PANK3: variants seen among roughly 807,000 people sequenced by gnomAD.
PANK3 encodes the protein hPanK3.
Under a neutral mutation model 39.4 loss-of-function variants are expected in PANK3, and 20 were observed. The ratio of observed to expected loss-of-function variants is 0.51; its 90% CI spans 0.36 to 0.74. The LOEUF (loss-of-function observed/expected upper bound fraction) is 0.74, where lower values mean the gene tolerates loss of function less well. Ranked by LOEUF, PANK3 falls within the 30% of genes least tolerant of loss-of-function variation. PANK3 has a pLI of 0.00. For missense variants in PANK3, 265 were observed against 437.0 expected, an observed-to-expected ratio of 0.61 and a Z score of 3.51; for synonymous variants, 140 against 157.3, an observed-to-expected ratio of 0.89 and a Z score of 0.82.
chr5:168,557,787 T>C (rs1014566474), intron 6 of PANK3, among the ~76,000 whole-genome samples, 166 bp from the exon 7 acceptor site: 3 of 152,244 alleles, frequency 2.0e-5, no homozygotes, highest in African/African-American at 7.2e-5. Context: ...TGAATCTGTA[T>C]TCTTGATGTC....
At chr5:168,563,612 G>A (rs1261342699) in intron 4 of PANK3, among the ~76,000 whole-genome samples, 1 of 151,524 alleles carries the variant, frequency 6.6e-6, no homozygotes, top group African/African-American at 2.4e-5. Flanking sequence ...ATTACCTTTT[G>A]TATATGGGGA....
Position 168,557,621 on chromosome 5 carries a change from C to A in PANK3, c.1063G>T (p.Gly355Cys). 1 of 1,613,346 alleles carries A rather than the reference C, an allele frequency of 6.2e-7. No individual in the cohort carries two copies. Among genetic ancestry groups the A allele is most frequent in the Non-Finnish European group, 8.5e-7 (1 of 1,179,600 alleles). ...AGTGCACCAACTGCTCCAAAGTAAC[C>A]CTGTGTAATTTAAAAATAACTGTTA... is the stretch of plus-strand genomic sequence containing the variant. ...QLKALFLEHE[G>C]YFGAVGALLG... The change falls in exon 7 of 7, where the codon GGT becomes TGT. Residue 355 changes from glycine (G) to cysteine (C), a missense_variant and splice_region_variant. By Grantham distance (159) the Gly-to-Cys change is radical. Transcript: ENST00000239231.
At chr5:168,561,747 A>G (rs1759452756) in intron 4 of PANK3, among the ~76,000 whole-genome samples, 1 of 152,206 alleles carries the variant, frequency 6.6e-6, no homozygotes, top group African/African-American at 2.4e-5. Flanking sequence ...GTTAGTTATT[A>G]TAAGAAAGCA....
intron 2 of PANK3, 35 bp downstream of exon 2, chr5:168,568,611 G>A: frequency 2.1e-6 from 3 of 1,421,798 alleles, no homozygotes; most frequent in South Asian, 1.3e-5. Context: ...TTAAAAACAG[G>A]TATCAATTTT....
At chr5:168,569,357 T>G (rs1759590962) in intron 1 of PANK3, among the ~76,000 whole-genome samples, 1 of 151,030 alleles carries the variant, frequency 6.6e-6, no homozygotes. Context: ...CCTAATTTTT[T>G]TTTTTTTTGT....
chr5:168,574,760 C>A (rs1759705251), intron 1 of PANK3, among the ~76,000 whole-genome samples: 1 of 152,044 alleles, frequency 6.6e-6, no homozygotes, highest in Admixed American at 6.5e-5. Flanking sequence ...ACTTGGGAGG[C>A]TAAGGCAGGA....
intron 1 of PANK3, among the ~76,000 whole-genome samples, chr5:168,574,337 T>C (rs971618515): frequency 6.6e-5 from 10 of 152,098 alleles, no homozygotes; most frequent in African/African-American, 1.2e-4. Flanking sequence ...TGTCTGTTCA[T>C]GTCCTTCGCC....
intron 6 of PANK3, among the ~76,000 whole-genome samples, chr5:168,558,365 GT>G (rs1310472768): frequency 6.6e-6 from 1 of 151,642 alleles, no homozygotes; most frequent in South Asian, 2.1e-4. Flanking sequence ...GGGTTTCACC[GT>G]TGTTAGCCAG....
chr5:168,563,346 T>C (rs575651709), intron 4 of PANK3, among the ~76,000 whole-genome samples: 1 of 152,186 alleles, frequency 6.6e-6, no homozygotes, highest in East Asian at 1.9e-4. Flanking sequence ...TAAAATTACA[T>C]TAAGATACCA....
In PANK3 at chr5:168,556,159, A is replaced by G. The variant is rs1004902636; in HGVS notation, c.*1412T>C. ...CCCACTCCAGATTCAGGCAAGGGGA[A>G]TAGGAAAGAAAGTGCGAGATAAGAG... On this transcript the variant is annotated 3_prime_UTR_variant, in exon 7 of 7. Transcript: ENST00000239231. The G allele has an allele frequency of 2.0e-5, 3 of 152,230 alleles. No individual in the cohort carries two copies. The highest frequency in any genetic ancestry group is 7.2e-5 in the African/African-American group (3 of 41,456). The allele number at this position is 152,230 out of a possible 1,614,324, so 9.4% of individuals were successfully genotyped here.
chr5:168,565,887 T>TATATATATATATATATATATATATATA lies in PANK3; in HGVS notation c.635+125_635+126insTATATATATATATATATATATATATAT, dbSNP rs57306546. On this transcript the variant is annotated intron_variant, in intron 3 of 6. Coordinates refer to ENST00000239231, the MANE Select transcript of PANK3 (RefSeq NM_024594.4). Reference sequence around the variant, plus strand: ...AAAAAAAATATATATATATATATATTTTTTTTTTTTGCTGTTGTGCAAATA... The same window carrying TATATATATATATATATATATATATATA: ...AAAAAAAATATATATATATATATATTATATATATATATATATATATATATATATTTTTTTTTTGCTGTTGTGCAAATA... 100 of 147,806 alleles carry TATATATATATATATATATATATATATA rather than the reference T, an allele frequency of 6.8e-4. 3 individuals carry two copies. Among genetic ancestry groups the TATATATATATATATATATATATATATA allele is most frequent in the South Asian group, 1.3e-3 (5 of 3,848 alleles). 9.2% of individuals were successfully genotyped at this position (147,806 alleles called of 1,614,324 possible). A position where few individuals can be genotyped will look rare whatever the true frequency, so the allele number is the denominator to read the frequency against.
chr5:168,562,805 G>A (rs1334834848), intron 4 of PANK3, among the ~76,000 whole-genome samples: 3 of 152,100 alleles, frequency 2.0e-5, no homozygotes, highest in African/African-American at 4.8e-5. Context: ...AAACATTTTT[G>A]TAATAGAGAA....
At chr5:168,566,421 A>G (rs1759535859) in intron 2 of PANK3, among the ~76,000 whole-genome samples, 155 bp from the exon 3 acceptor site, 1 of 152,196 alleles carries the variant, frequency 6.6e-6, no homozygotes. Flanking sequence ...GATTTCATCT[A>G]GTCCACTGGT....
At chr5:168,560,525 TTAATA>T (rs1166382863) in intron 5 of PANK3, among the ~76,000 whole-genome samples, 4 of 152,200 alleles carry the variant, frequency 2.6e-5, no homozygotes, top group East Asian at 1.9e-4. Flanking sequence ...CACAATTTAC[TTAATA>T]TGTCACTAGA....
intron 3 of PANK3, among the ~76,000 whole-genome samples, 152 bp downstream of exon 3, chr5:168,565,857 TAAAA>T (rs33910263): frequency 1.9e-5 from 2 of 104,306 alleles, no homozygotes; most frequent in Non-Finnish European, 3.7e-5. Context: ...CTCTTTCACT[TAAAA>T]AAAAAAAATA....
rs1395357415 is a variant in PANK3, at chr5:168,557,590, C to T, written c.1094G>A (p.Gly365Glu). The T allele has an allele frequency of 5.0e-6, 8 of 1,613,800 alleles. No homozygotes were observed. In the South Asian group the frequency reaches 8.8e-5, roughly 18 times the overall value. Residue 365 changes from glycine to glutamate, a missense_variant, in exon 7 of 7, where the codon GGG becomes GAG. Around this residue, in one of 3 missense-constraint regions of PANK3, gnomAD observed 110 missense variants for 161.2 expected, o/e 0.68. Coordinates refer to ENST00000239231, the MANE Select transcript of PANK3 (RefSeq NM_024594.4). The part of the protein sequence containing the change: ...GYFGAVGALL[G>E]LPNFS ...GATGCTTTAGCTGAAATTTGGCAGCCCAAGAAGTGCACCAACTGCTCCAAA... is the reference window on the plus strand; with the variant it reads ...GATGCTTTAGCTGAAATTTGGCAGCTCAAGAAGTGCACCAACTGCTCCAAA...
At chr5:168,566,598 T>G (rs556156919) in intron 2 of PANK3, among the ~76,000 whole-genome samples, 37 of 152,312 alleles carry the variant, frequency 2.4e-4, no homozygotes, top group African/African-American at 8.7e-4. Context: ...TATCTTTGAG[T>G]GTTCTGCCAG....
At chr5:168,563,317 T>C (rs1759474545) in intron 4 of PANK3, among the ~76,000 whole-genome samples, 1 of 152,210 alleles carries the variant, frequency 6.6e-6, no homozygotes, top group African/African-American at 2.4e-5. Context: ...ACCCCAGTGT[T>C]GGTAGGAGAA....
At chr5:168,572,603 G>T (rs904537715) in intron 1 of PANK3, among the ~76,000 whole-genome samples, 8 of 137,676 alleles carry the variant, frequency 5.8e-5, no homozygotes, top group African/African-American at 2.2e-4. Flanking sequence ...TAGGGTGGGG[G>T]AGAAACAAAT....
Sources: allele counts gnomAD v4.1 joint callset (sites outside exome capture counted in the v4.1 genomes callset), GRCh38; gene constraint gnomAD v4.1.1; regional missense constraint gnomAD v4.1.1; transcripts MANE v1.5; gene names NCBI Gene and HGNC (gene_info 2026-07-23, HGNC 2026-07-21).